PIK3AP1: variants seen among roughly 807,000 people sequenced by gnomAD.
PIK3AP1 encodes phosphoinositide 3-kinase adapter protein 1.
A neutral mutation model predicts 88.1 loss-of-function variants in PIK3AP1; 21 were observed. The observed-to-expected ratio is 0.24, with a 90% confidence interval of 0.17 to 0.34. The LOEUF (loss-of-function observed/expected upper bound fraction) is 0.34, where lower values mean the gene tolerates loss of function less well. Among genes scored for constraint, PIK3AP1 ranks in the 10% least tolerant of loss-of-function variants. The probability of loss-of-function intolerance (pLI) is 1.00; values close to 1 mark genes in which losing one functional copy is unlikely to be tolerated. For missense variants in PIK3AP1, 828 were observed against 1,035.7 expected (o/e 0.80, Z 2.75); for synonymous variants, 398 against 400.0 (o/e 1.00, Z 0.06).
At chr10:96,692,880 A>G (rs1360693025) in intron 2 of PIK3AP1, among the ~76,000 whole-genome samples, 1 of 152,198 alleles carries the variant, frequency 6.6e-6, no homozygotes, top group African/African-American at 2.4e-5. Context: ...TTTTGTATTT[A>G]CTATGAAATT....
In PIK3AP1 at chr10:96,652,789, C is replaced by T. The variant is rs1303544999; in HGVS notation, c.621G>A (p.Ala207=). 9 of 1,614,116 alleles carry T rather than the reference C, an allele frequency of 5.6e-6. No homozygotes were observed. In the South Asian group the frequency reaches 7.7e-5, roughly 14 times the overall value. The part of the protein sequence containing the change: ...IVRCKLDDRV[A]TEAEFSPEDS... ...CCTCAGGAGAAAACTCTGCTTCTGT[C>T]GCCACCCTGTCATCCAGCTTACATC... Residue 207 remains alanine, a synonymous_variant, in exon 4 of 17, where the codon GCG becomes GCA. Transcript: ENST00000339364.
At chr10:96,666,281 T>C (rs1467560059) in intron 2 of PIK3AP1, among the ~76,000 whole-genome samples, 2 of 151,822 alleles carry the variant, frequency 1.3e-5, no homozygotes, top group Non-Finnish European at 2.9e-5. Flanking sequence ...TAGCCGGGCG[T>C]GGTAGCAGGC....
intron 2 of PIK3AP1, among the ~76,000 whole-genome samples, chr10:96,708,483 G>A (rs1439558247): frequency 6.9e-6 from 1 of 144,522 alleles, no homozygotes; most frequent in East Asian, 2.2e-4. Context: ...GCTGAGGCAG[G>A]AGAATCACTT....
chr10:96,611,767 A>G (rs57652138), intron 13 of PIK3AP1, among the ~76,000 whole-genome samples: 6,018 of 152,210 alleles, frequency 0.04, 146 homozygotes, highest in African/African-American at 0.064. Context: ...CACCCAGCCA[A>G]AAATCACTTT....
intron 10 of PIK3AP1, among the ~76,000 whole-genome samples, chr10:96,623,889 C>G (rs1324281696): frequency 6.6e-6 from 1 of 152,146 alleles, no homozygotes; most frequent in East Asian, 1.9e-4. Flanking sequence ...ACTTAAAATG[C>G]CAGCTAGTGC....
At position 96,652,762 on chromosome 10, in the gene PIK3AP1, A is replaced by C; in HGVS notation, c.648T>G (p.Asp216Glu). Residue 216 changes from aspartate to glutamate, a missense_variant, in exon 4 of 17, where the codon GAT becomes GAG. Around this residue, in one of 3 missense-constraint regions of PIK3AP1, gnomAD observed 610 missense variants for 760.1 expected, o/e 0.80. Transcript: ENST00000339364. ...TGGCTTCCATCCTTACAGAGGGAGA[A>C]TCCTCAGGAGAAAACTCTGCTTCTG... ...VATEAEFSPE[D>E]SPSVRMEAKV... 1 of 1,614,032 alleles carries C rather than the reference A, an allele frequency of 6.2e-7. No homozygotes were observed. Among genetic ancestry groups the C allele is most frequent in the Non-Finnish European group, 8.5e-7 (1 of 1,179,974 alleles).
At chr10:96,719,805 A>C (rs1247406627) in intron 1 of PIK3AP1, among the ~76,000 whole-genome samples, 1 of 152,194 alleles carries the variant, frequency 6.6e-6, no homozygotes. Context: ...AAAGTTCTGC[A>C]AAGGACGCAG....
intron 16 of PIK3AP1, among the ~76,000 whole-genome samples, chr10:96,599,972 T>C: frequency 6.6e-6 from 1 of 152,168 alleles, no homozygotes; most frequent in Non-Finnish European, 1.5e-5. Context: ...CCGGTTGTCT[T>C]CTCTTTCTCT....
intron 8 of PIK3AP1, chr10:96,633,322 A>T: frequency 3.0e-6 from 1 of 336,192 alleles, no homozygotes; most frequent in African/African-American, 2.1e-5. Context: ...CTAGGAAGTC[A>T]ACTGAAGGTC....
At chr10:96,626,588 T>C (rs1843156415) in intron 10 of PIK3AP1, 120 bp downstream of exon 10, 2 of 1,106,840 alleles carry the variant, frequency 1.8e-6, no homozygotes, top group Non-Finnish European at 2.6e-6. Flanking sequence ...GTAGGGCTGG[T>C]TGAAGACCAT....
chr10:96,679,298 T>A (rs969183318), intron 2 of PIK3AP1, among the ~76,000 whole-genome samples: 1 of 152,080 alleles, frequency 6.6e-6, no homozygotes, highest in Non-Finnish European at 1.5e-5. Flanking sequence ...GAGGCCAAGG[T>A]GGCTGGATCT....
At chr10:96,633,756 T>C (rs1312401095) in intron 8 of PIK3AP1, among the ~76,000 whole-genome samples, 1 of 152,240 alleles carries the variant, frequency 6.6e-6, no homozygotes, top group Admixed American at 6.5e-5. Context: ...TCTACACATA[T>C]TCTCAAATAC....
chr10:96,643,240 C>T (rs1843415510), intron 8 of PIK3AP1, among the ~76,000 whole-genome samples: 1 of 152,158 alleles, frequency 6.6e-6, no homozygotes, highest in South Asian at 2.1e-4. Flanking sequence ...ATGGTTTTTC[C>T]AAAAGGAACC....
At chr10:96,639,434 G>T (rs1229374866) in intron 8 of PIK3AP1, among the ~76,000 whole-genome samples, 1 of 152,198 alleles carries the variant, frequency 6.6e-6, no homozygotes, top group East Asian at 1.9e-4. Context: ...GGGGATGTGT[G>T]TGCAGTGTCC....
chr10:96,615,655 C>T (rs1373718726), intron 13 of PIK3AP1, among the ~76,000 whole-genome samples: 1 of 152,110 alleles, frequency 6.6e-6, no homozygotes, highest in African/African-American at 2.4e-5. Context: ...AATACCATGG[C>T]CTAGAGTGGT....
Position 96,609,726 on chromosome 10 carries a change from G to A in PIK3AP1, c.2156C>T (p.Thr719Ile). 6.2e-7 allele frequency: 1 copy of A among 1,613,974 alleles called. No individual in the cohort carries two copies. Among genetic ancestry groups the A allele is most frequent in the Non-Finnish European group, 8.5e-7 (1 of 1,179,946 alleles). Residue 719 changes from threonine (T) to isoleucine (I), a missense_variant, in exon 14 of 17, where the codon ACC becomes ATC. Transcript: ENST00000339364. ...LRRGDWKTDS[T>I]SSTASSTSNR... The stretch of plus-strand genomic sequence containing the variant: ...CAGCTGCTCACTTGCTGTGCTGGAG[G>A]TGCTGTCTGTTTTCCAGTCTCCTCG...
intron 8 of PIK3AP1, among the ~76,000 whole-genome samples, chr10:96,638,420 T>C (rs779804259): frequency 6.6e-6 from 1 of 151,610 alleles, no homozygotes; most frequent in Non-Finnish European, 1.5e-5. Context: ...GGTGTTCTGT[T>C]ATGGCAACAG....
chr10:96,709,673 G>A lies in PIK3AP1; in HGVS notation c.324C>T (p.Ser108=). The part of the protein sequence containing the change: ...VVRLLCGVRD[S]EEFLDFFPDW... ...CTGGAAAGAAGTCTAGGAACTCCTC[G>A]CTGTCCCGCACGCCGCAGAGCAGCC... is the stretch of plus-strand genomic sequence containing the variant. Residue 108 remains serine, a synonymous_variant, in exon 2 of 17, where the codon AGC becomes AGT. Coordinates refer to ENST00000339364, the MANE Select transcript of PIK3AP1 (RefSeq NM_152309.3). 1.2e-6 allele frequency: 2 copies of A among 1,614,216 alleles called. No homozygotes were observed. The highest frequency in any genetic ancestry group is 2.2e-5 in the East Asian group (1 of 44,882).
rs757339189 is a variant in PIK3AP1 at position 96,645,658 on chromosome 10, G to A, written c.1190C>T (p.Thr397Met). 12 of 1,587,484 alleles carry A rather than the reference G, an allele frequency of 7.6e-6. No individual in the cohort carries two copies. The highest frequency in any genetic ancestry group is 1.1e-5 in the South Asian group (1 of 87,798). The change falls in exon 8 of 17, where the codon ACG becomes ATG. Residue 397 changes from threonine (T) to methionine (M), a missense_variant. Thr to Met is a moderately conservative substitution (Grantham distance 81). Transcript: ENST00000339364. ...AATGTGACTCTTGAGCATGTCCACCGTTTCCTGAAAGAGAAGATGAGGCCC... is the reference window on the plus strand; with the variant it reads ...AATGTGACTCTTGAGCATGTCCACCATTTCCTGAAAGAGAAGATGAGGCCC... Reference protein sequence around the residue: ...LRQFIDEYVETVDMLKSHIKE... With the variant: ...LRQFIDEYVEMVDMLKSHIKE...
Sources: gnomAD v4.1 joint callset for allele counts (sites outside exome capture counted in the v4.1 genomes callset) on GRCh38, gnomAD v4.1.1 for gene constraint, gnomAD v4.1.1 regional missense constraint, MANE v1.5 for transcripts, NCBI Gene and HGNC (gene_info 2026-07-23, HGNC 2026-07-21) for gene names.